Variants in NEB observed in about 807,000 individuals in gnomAD.
The protein encoded by NEB is nebulin, also known as nemaline myopathy type 2.
In NEB, 512 loss-of-function variants were observed where a neutral mutation model predicts 952.2. The ratio of observed to expected loss-of-function variants is 0.54; its 90% confidence interval spans 0.50 to 0.58. NEB has a LOEUF of 0.58. Among genes scored for constraint, NEB ranks in the 20% least tolerant of loss-of-function variants. NEB has a pLI of 0.00. For synonymous variants in NEB, 2,900 were observed against 3,149.8 expected, an observed-to-expected ratio of 0.92 and a Z score of 2.66; for missense variants, 8,428 against 9,231.1, an observed-to-expected ratio of 0.91 and a Z score of 3.56.
Position 151,690,815 on chromosome 2 carries a change from T to C in NEB, c.2222A>G (p.Lys741Arg), listed in dbSNP as rs1373715038. The change falls in exon 24 of 182, where the codon AAA becomes AGA. Residue 741 changes from lysine to arginine, a missense_variant. Physicochemically the swap from Lys to Arg is conservative, Grantham distance 26 (BLOSUM62 2). Coordinates refer to ENST00000397345, the MANE Select transcript of NEB (RefSeq NM_001164508.2). ...GAATTTGGTCTTATCTGGATGAACT[T>C]TGTAGGTATGCTAGAAAAGAAGATG... Reference protein sequence around the residue: ...KLDQCKDHTYKVHPDKTKFTA... With the variant: ...KLDQCKDHTYRVHPDKTKFTA... The C allele has an allele frequency of 6.3e-7, 1 of 1,581,842 alleles. No homozygotes were observed. The highest frequency in any genetic ancestry group is 8.6e-7 in the Non-Finnish European group (1 of 1,161,254).
intron 42 of NEB, 81 bp from the exon 43 acceptor site, chr2:151,664,944 T>G: frequency 2.0e-6 from 2 of 1,013,830 alleles, no homozygotes; most frequent in Non-Finnish European, 1.5e-6. Flanking sequence ...GATTTACAAC[T>G]CCATGGTAAA....
chr2:151,576,217 C>A lies in NEB; in HGVS notation c.16842G>T (p.Lys5614Asn), dbSNP rs771225256. 3 of 1,611,516 alleles carry A rather than the reference C, an allele frequency of 1.9e-6. No homozygotes were observed. The highest frequency in any genetic ancestry group is 2.5e-6 in the Non-Finnish European group (3 of 1,178,282). Reference protein sequence around the residue: ...SVYRTPVVNLKYTSIVDTPEV... With the variant: ...SVYRTPVVNLNYTSIVDTPEV... ...CAGGTGTGTCAACAATGCTTGTGTA[C>A]TTAAGGTTCACCACAGGCGTCCGAT... is the stretch of plus-strand genomic sequence containing the variant. Residue 5614 changes from lysine (K) to asparagine (N), a missense_variant, in exon 106 of 182, where the codon AAG becomes AAT. Physicochemically the swap from Lys to Asn is moderately conservative, Grantham distance 94 (BLOSUM62 0). Coordinates refer to ENST00000397345, the MANE Select transcript of NEB (RefSeq NM_001164508.2).
At position 151,513,523 on chromosome 2, in the gene NEB, T is replaced by C. The variant is rs1305570080; in HGVS notation, c.23241+57A>G. ...AATCAGATGACAGAGGGACACTTTA[T>C]GTCCTTAAAGTTACAACTACTTTCC... On this transcript the variant is annotated intron_variant, in intron 160 of 181. Coordinates refer to ENST00000397345, the MANE Select transcript of NEB (RefSeq NM_001164508.2). 3 of 1,252,186 alleles carry C rather than the reference T, an allele frequency of 2.4e-6. No homozygotes were observed. The East Asian group carries it at 7.4e-5, about 31-fold the overall frequency. 77.6% of individuals were successfully genotyped at this position (1,252,186 alleles called of 1,614,324 possible). A position where few individuals can be genotyped will look rare whatever the true frequency, so the allele number is the denominator to read the frequency against.
chr2:151,601,467 T>A (rs1305964722), intron 88 of NEB, among the ~76,000 whole-genome samples: 4 of 107,284 alleles, frequency 3.7e-5, no homozygotes, highest in East Asian at 3.6e-4. Context: ...TGTGTAACCC[T>A]ATCTACGTGG....
Position 151,561,220 on chromosome 2 carries a change from AAT to A in NEB, c.19087_19088del (p.Ile6363Ter). 1 of 1,607,452 alleles carries A rather than the reference AAT, an allele frequency of 6.2e-7. No individual in the cohort carries two copies. Among genetic ancestry groups the A allele is most frequent in the Non-Finnish European group, 8.5e-7 (1 of 1,176,230 alleles). Reference protein sequence around the residue: ...PLYVTAVQSGINASEVKYKEN... With the variant: ...PLYVTAVQSGXNASEVKYKEN... The stretch of plus-strand genomic sequence containing the variant: ...CAGGAAGACGCACCTCACTGGCATT[AAT>A]GCCACTCTGAACAGCAGTCACATAG... On this transcript the variant is annotated frameshift_variant, in exon 122 of 182. Coordinates refer to ENST00000397345, the MANE Select transcript of NEB (RefSeq NM_001164508.2). LOFTEE classifies it high-confidence loss of function.
intron 46 of NEB, among the ~76,000 whole-genome samples, chr2:151,659,712 G>T (rs1166235414): frequency 6.6e-6 from 1 of 152,126 alleles, no homozygotes; most frequent in African/African-American, 2.4e-5. Context: ...GGTAGCATTT[G>T]CCTCCTAAAA....
Position 151,549,637 on chromosome 2 carries a change from T to C in NEB, c.20048A>G (p.Tyr6683Cys). The C allele has an allele frequency of 1.3e-6, 2 of 1,584,856 alleles. No individual in the cohort carries two copies. The highest frequency in any genetic ancestry group is 1.7e-6 in the Non-Finnish European group (2 of 1,162,170). Residue 6683 changes from tyrosine to cysteine, a missense_variant and splice_region_variant, in exon 130 of 182, where the codon TAT becomes TGT. Physicochemically the swap from Tyr to Cys is radical, Grantham distance 194. Around this residue, in one of 11 missense-constraint regions of NEB, gnomAD observed 3,374 missense variants for 3,651.5 expected, o/e 0.92. Coordinates refer to ENST00000397345, the MANE Select transcript of NEB (RefSeq NM_001164508.2). ...CTCAATGAGGAGGAGACCACTCACA[T>C]AACTGCTCATGTAACGGGTGTCCTT... Reference protein sequence around the residue: ...HIKDTRYMSSYFKYKEAYEHT... With the variant: ...HIKDTRYMSSCFKYKEAYEHT...
intron 106 of NEB, 58 bp from the exon 107 acceptor site, chr2:151,575,857 A>G: frequency 8.6e-7 from 1 of 1,156,832 alleles, no homozygotes; most frequent in Non-Finnish European, 1.3e-6. Context: ...TGCTAGTCCC[A>G]CTATGCAACT....
chr2:151,642,519 G>T, intron 60 of NEB, 55 bp downstream of exon 60: 1 of 1,440,668 alleles, frequency 6.9e-7, no homozygotes, highest in South Asian at 1.2e-5. Context: ...ATCCAGGAGA[G>T]AGAAATAAAT....
chr2:151,696,325 G>A (rs1008521087), intron 17 of NEB, among the ~76,000 whole-genome samples: 5 of 152,104 alleles, frequency 3.3e-5, no homozygotes, highest in African/African-American at 1.2e-4. Context: ...CAGGCAGAGG[G>A]GGGTTAAATC....
Position 151,655,970 on chromosome 2 carries a change from T to C in NEB, c.6549A>G (p.Pro2183=). 6.2e-7 allele frequency: 1 copy of C among 1,613,784 alleles called. No homozygotes were observed. Among genetic ancestry groups the C allele is most frequent in the South Asian group, 1.1e-5 (1 of 91,082 alleles). ...CCTTCTCCACTTCCAGAGAACCTGC[T>C]GGACTCCAGCCAAGCCCTTTGTACC... ...NEWYKGLGWS[P]AGSLEVEKAK... is the part of the protein sequence containing the mutation. The change falls in exon 50 of 182, where the codon CCA becomes CCG. Residue 2183 remains proline, a synonymous_variant. Coordinates refer to ENST00000397345, the MANE Select transcript of NEB (RefSeq NM_001164508.2).
chr2:151,724,730 G>A (rs2099785260), intron 7 of NEB, 127 bp downstream of exon 7: 1 of 693,914 alleles, frequency 1.4e-6, no homozygotes, highest in Middle Eastern at 2.4e-4. Context: ...ATGAATACAG[G>A]TATTGAACTC....
At chr2:151,500,630 C>G (rs1261244217) in intron 168 of NEB, among the ~76,000 whole-genome samples, 1 of 133,776 alleles carries the variant, frequency 7.5e-6, no homozygotes, top group Non-Finnish European at 1.5e-5. Flanking sequence ...GGGTCTCACT[C>G]CTGTTGCCTA....
At chr2:151,608,901 C>G (rs2097791380) in intron 81 of NEB, among the ~76,000 whole-genome samples, 2 of 35,806 alleles carry the variant, frequency 5.6e-5, no homozygotes, top group African/African-American at 1.9e-4. Context: ...AAACCTCCGT[C>G]TCACAAAAAA....
intron 161 of NEB, among the ~76,000 whole-genome samples, chr2:151,508,724 T>C (rs2071372037): frequency 6.6e-6 from 1 of 152,162 alleles, no homozygotes; most frequent in African/African-American, 2.4e-5. Flanking sequence ...CAGACACACC[T>C]GGAGCACTAC....
intron 107 of NEB, among the ~76,000 whole-genome samples, chr2:151,570,967 G>A (rs935392593): frequency 6.6e-6 from 1 of 152,148 alleles, no homozygotes; most frequent in Non-Finnish European, 1.5e-5. Context: ...ACCACCTCAA[G>A]CATTTATCAT....
chr2:151,711,014 T>G (rs2099743500), intron 10 of NEB, among the ~76,000 whole-genome samples: 1 of 152,046 alleles, frequency 6.6e-6, no homozygotes, highest in African/African-American at 2.4e-5. Flanking sequence ...GCCTTTAGAG[T>G]TAAATTTAAT....
Position 151,634,804 on chromosome 2 carries a change from A to C in NEB, c.9103-839T>G, listed in dbSNP as rs146605251. ...GCTTTTGGCATCATTTTGAAAACTG[A>C]TTGTACTTGTAAAACTGACATAGCA... On this transcript the variant is annotated intron_variant, in intron 64 of 181. Transcript: ENST00000397345. Among the ~76,000 whole-genome samples, 962 of 152,196 alleles carry C rather than the reference A, an allele frequency of 6.3e-3. 2 individuals are homozygous for C. The highest frequency in any genetic ancestry group is 0.022 in the African/African-American group (909 of 41,514).
Position 151,620,904 on chromosome 2 carries a change from T to A in NEB, c.10560+15A>T. ...GCATGATGGTAAGAAATGTTAGGAC[T>A]TGATCAGCTCTTACATCACTGGCAA... On this transcript the variant is annotated intron_variant, in intron 72 of 181. Coordinates refer to ENST00000397345, the MANE Select transcript of NEB (RefSeq NM_001164508.2). 6.3e-7 allele frequency: 1 copy of A among 1,585,646 alleles called. No homozygotes were observed. Among genetic ancestry groups the A allele is most frequent in the Non-Finnish European group, 8.6e-7 (1 of 1,158,982 alleles).
Sources: allele counts gnomAD v4.1 joint callset (sites outside exome capture counted in the v4.1 genomes callset), GRCh38; gene constraint gnomAD v4.1.1; regional missense constraint gnomAD v4.1.1; transcripts MANE v1.5; gene names NCBI Gene and HGNC (gene_info 2026-07-23, HGNC 2026-07-21).